The following SPATA31C1 variants were observed in gnomAD, a reference collection of about 807,000 sequenced individuals.
SPATA31C1 encodes spermatogenesis-associated protein 31C1.
At chr9:87,923,234 C>T (rs595689) in exon 5 of SPATA31C1, 2 of 1,603,190 alleles carry the variant, frequency 1.2e-6, no homozygotes, top group Admixed American at 1.7e-5. Context: ...TCTACTCAGA[C>T]CACAGCAGAA....
Position 87,921,889 on chromosome 9 carries a change from C to A in SPATA31C1, n.2279C>A, listed in dbSNP as rs200780394. On this transcript the variant is annotated non_coding_transcript_exon_variant, in exon 5 of 5. Coordinates refer to ENST00000420021, the Ensembl canonical transcript of SPATA31C1. ...GAAGCCCATATTGTGAGGTTTTGGGCCAAACACAGGTGGGGTCTACCCCTC... is the reference window on the plus strand; with the variant it reads ...GAAGCCCATATTGTGAGGTTTTGGGACAAACACAGGTGGGGTCTACCCCTC... 6 of 1,611,920 alleles carry A rather than the reference C, an allele frequency of 3.7e-6. No homozygotes were observed. In the Admixed American group the frequency reaches 5.0e-5, roughly 13 times the overall value.
Position 87,922,520 on chromosome 9 carries a change from G to A in SPATA31C1, n.2910G>A, listed in dbSNP as rs776851923. ...GTGAATTTGAGCCTGGAATGGCCAC[G>A]AAGTCAGAGACCCAGCCTCAAGTTT... On this transcript the variant is annotated non_coding_transcript_exon_variant, in exon 5 of 5. Coordinates refer to ENST00000420021, the Ensembl canonical transcript of SPATA31C1. The A allele has an allele frequency of 3.0e-5, 49 of 1,610,688 alleles. No individual in the cohort carries two copies. In the African/African-American group the frequency reaches 4.8e-4, roughly 16 times the overall value.
chr9:87,922,131 C>A (rs769947249), exon 5 of SPATA31C1: 2 of 1,613,746 alleles, frequency 1.2e-6, no homozygotes, highest in Admixed American at 3.3e-5. Flanking sequence ...GGCCTCCTCA[C>A]CTGCATGTAA....
At chr9:87,922,776 C>A (rs1413208875) in exon 5 of SPATA31C1, 1 of 1,606,096 alleles carries the variant, frequency 6.2e-7, no homozygotes, top group African/African-American at 1.3e-5. Flanking sequence ...CCCAATGTTT[C>A]CCCCTACTCA....
chr9:87,921,212 C>T (rs994770452), exon 5 of SPATA31C1: 2 of 1,611,860 alleles, frequency 1.2e-6, no homozygotes, highest in Admixed American at 1.7e-5. Flanking sequence ...CCACTCCTAA[C>T]CTTCCCCAGG....
At chr9:87,921,581 G>A (rs780272668) in exon 5 of SPATA31C1, 2 of 1,612,030 alleles carry the variant, frequency 1.2e-6, no homozygotes, top group Non-Finnish European at 1.7e-6. Context: ...GGAACCTGAG[G>A]AAGCCCTTGA....
chr9:87,920,249 C>T lies in SPATA31C1; in HGVS notation n.642-3C>T, dbSNP rs185071524. On this transcript the variant is annotated splice_region_variant and splice_polypyrimidine_tract_variant and intron_variant and non_coding_transcript_variant, in intron 4 of 4. Transcript: ENST00000420021. ...TGCAGCTTGTGCCTCCTGTCTCCTG[C>T]AGCCTCCTGGGGCCACACCTTGAAA... 0.015 allele frequency: 23,702 copies of T among 1,612,942 alleles called. 220 individuals are homozygous for T. The highest frequency in any genetic ancestry group is 0.017 in the Non-Finnish European group (19,515 of 1,179,470).
chr9:87,922,598 T>C, exon 5 of SPATA31C1: 2 of 1,609,216 alleles, frequency 1.2e-6, no homozygotes, highest in Non-Finnish European at 1.7e-6. Context: ...TGCCCCATGC[T>C]TCAGAGAATT....
At chr9:87,922,431 C>G (rs777241224) in exon 5 of SPATA31C1, 5 of 1,610,390 alleles carry the variant, frequency 3.1e-6, no homozygotes, top group Non-Finnish European at 4.2e-6. Context: ...CAAAAGCTCT[C>G]TACTCCCTAG....
chr9:87,923,316 A>G (rs1319956194), exon 5 of SPATA31C1: 1 of 1,602,406 alleles, frequency 6.2e-7, no homozygotes, highest in Non-Finnish European at 8.5e-7. Context: ...AGACAGACAA[A>G]TCAGAGATCA....
intron 4 of SPATA31C1, 104 bp from the exon 4 acceptor site, chr9:87,920,148 T>C: frequency 6.2e-7 from 1 of 1,600,850 alleles, no homozygotes; most frequent in Non-Finnish European, 8.5e-7. Context: ...TGTGGCGTGG[T>C]GGAGAGGGTG....
At chr9:87,917,036 G>T (rs564887430) in intron 1 of SPATA31C1, among the ~76,000 whole-genome samples, 1 of 124,414 alleles carries the variant, frequency 8.0e-6, no homozygotes, top group African/African-American at 2.8e-5. Context: ...CATGTACCCC[G>T]GAACTTAAAA....
exon 5 of SPATA31C1, chr9:87,922,912 T>C (rs1289670236): frequency 1.9e-6 from 3 of 1,604,164 alleles, no homozygotes; most frequent in East Asian, 2.2e-5. Context: ...GGCGTCCAGC[T>C]ACTGCCATCA....
chr9:87,922,026 G>T, exon 5 of SPATA31C1: 8 of 1,613,920 alleles, frequency 5.0e-6, no homozygotes, highest in Non-Finnish European at 6.8e-6. Context: ...TGGCTCAAAA[G>T]TTGAGGTGGC....
chr9:87,920,606 G>C, exon 5 of SPATA31C1: 1 of 1,613,504 alleles, frequency 6.2e-7, no homozygotes, highest in Non-Finnish European at 8.5e-7. Context: ...CACCTCCTCC[G>C]AAAGGCTTCA....
At chr9:87,920,508 C>G in exon 5 of SPATA31C1, 1 of 1,613,954 alleles carries the variant, frequency 6.2e-7, no homozygotes, top group South Asian at 1.1e-5. Flanking sequence ...GCCACCAGAA[C>G]CTTCCCTTCT....
intron 2 of SPATA31C1, 47 bp from the exon 2 acceptor site, chr9:87,919,208 A>C: frequency 1.3e-6 from 2 of 1,556,548 alleles, no homozygotes; most frequent in Middle Eastern, 1.8e-4. Context: ...GGCTGGGGGC[A>C]GAGAGGGAGA....
chr9:87,919,143 G>C, intron 2 of SPATA31C1, 112 bp from the exon 2 acceptor site: 1 of 1,493,920 alleles, frequency 6.7e-7, no homozygotes, highest in Non-Finnish European at 9.2e-7. Context: ...AAAGCACACA[G>C]AGCTCCCTGA....
At chr9:87,921,709 G>A in exon 5 of SPATA31C1, 2 of 1,612,068 alleles carry the variant, frequency 1.2e-6, no homozygotes, top group Non-Finnish European at 1.7e-6. Context: ...ATCCCCGTGA[G>A]TGTGCGTCGA....
Sources: gnomAD v4.1 joint callset for allele counts (sites outside exome capture counted in the v4.1 genomes callset) on GRCh38, gnomAD v4.1.1 for gene constraint, MANE v1.5 for transcripts, NCBI Gene and HGNC (gene_info 2026-07-23, HGNC 2026-07-21) for gene names.